The following PXDC1 variants were observed in gnomAD, a reference collection of about 807,000 sequenced individuals.
The protein encoded by PXDC1 is PX domain containing 1, also known as PX domain-containing protein 1.
A neutral mutation model predicts 24.4 loss-of-function variants in PXDC1; 13 were observed. That is an observed-to-expected ratio of 0.53 (90% confidence interval 0.35 to 0.85). PXDC1 has a LOEUF of 0.85. Among genes scored for constraint, PXDC1 ranks in the 40% least tolerant of loss-of-function variants. The pLI is 0.01. For missense variants in PXDC1, 344 were observed against 309.3 expected (o/e 1.11, Z -0.84); for synonymous variants, 162 against 124.9 (o/e 1.30, Z -1.98).
rs1759983819 is a variant in PXDC1 at position 3,723,401 on chromosome 6, G to A, written c.*218C>T. On this transcript the variant is annotated 3_prime_UTR_variant, in exon 5 of 5. Transcript: ENST00000380283. Reference sequence around the variant, plus strand: ...AACACAGGCCCTGTGGCCTCCGGCTGTGACCTCAGCTTGCTGGAGACTCTG... The same window carrying A: ...AACACAGGCCCTGTGGCCTCCGGCTATGACCTCAGCTTGCTGGAGACTCTG... 2 of 585,720 alleles carry A rather than the reference G, an allele frequency of 3.4e-6. No homozygotes were observed. Among genetic ancestry groups the A allele is most frequent in the South Asian group, 2.2e-5 (1 of 45,724 alleles). The allele number at this position is 585,720 out of a possible 1,614,324, so 36.3% of individuals were successfully genotyped here.
At chr6:3,743,403 T>C (rs1176784976) in intron 1 of PXDC1, among the ~76,000 whole-genome samples, 4 of 152,010 alleles carry the variant, frequency 2.6e-5, no homozygotes, top group Admixed American at 2.0e-4. Context: ...TTCCTTTCCA[T>C]TTAACAAATG....
chr6:3,744,733 T>TG (rs926138797), intron 1 of PXDC1, among the ~76,000 whole-genome samples: 44 of 152,322 alleles, frequency 2.9e-4, no homozygotes, highest in African/African-American at 9.6e-4. Flanking sequence ...GTCTCGCTCT[T>TG]GTCACCCAGG....
chr6:3,733,521 C>T (rs914828684), intron 3 of PXDC1, among the ~76,000 whole-genome samples: 3 of 152,104 alleles, frequency 2.0e-5, no homozygotes, highest in East Asian at 1.9e-4. Context: ...CGAGCTAGAC[C>T]GGGAACAGAG....
chr6:3,737,616 C>T lies in PXDC1; in HGVS notation c.349-420G>A. On this transcript the variant is annotated intron_variant, in intron 2 of 4. Transcript: ENST00000380283. The surrounding 1 kb of genome is among the most constrained non-coding windows in gnomAD (Gnocchi z 5.5). ...ACTCACGACGAAGCCCGCAGGCTTACATGGAAAGGGAGTTGACGGTCAAAT... is the reference window on the plus strand; with the variant it reads ...ACTCACGACGAAGCCCGCAGGCTTATATGGAAAGGGAGTTGACGGTCAAAT... 1 of 982,684 alleles carries T rather than the reference C, an allele frequency of 1.0e-6. No homozygotes were observed. Among genetic ancestry groups the T allele is most frequent in the African/African-American group, 1.7e-5 (1 of 57,306 alleles). The allele number at this position is 982,684 out of a possible 1,614,324, so 60.9% of individuals were successfully genotyped here. A position where few individuals can be genotyped will look rare whatever the true frequency, so the allele number is the denominator to read the frequency against.
chr6:3,742,197 T>C (rs1760464049), intron 1 of PXDC1, among the ~76,000 whole-genome samples: 1 of 152,226 alleles, frequency 6.6e-6, no homozygotes, highest in Non-Finnish European at 1.5e-5. Context: ...AACTATTGAG[T>C]GCATCTGCGT....
At position 3,751,459 on chromosome 6, in the gene PXDC1, G is replaced by A. The variant is rs763394172; in HGVS notation, c.73C>T (p.Arg25Cys). The A allele has an allele frequency of 1.9e-6, 3 of 1,602,970 alleles. No individual in the cohort carries two copies. Among genetic ancestry groups the A allele is most frequent in the East Asian group, 2.3e-5 (1 of 44,380 alleles). Residue 25 changes from arginine to cysteine, a missense_variant, in exon 1 of 5, where the codon CGC (arginine) becomes TGC (cysteine). Physicochemically the swap from Arg to Cys is radical, Grantham distance 180. Coordinates refer to ENST00000380283, the MANE Select transcript of PXDC1 (RefSeq NM_183373.4). Reference sequence around the variant, plus strand: ...CCGCGCCGGCTGACGATGAGCCTGCGGATGCCGTTCACCCAGCAGCCGCGC... The same window carrying A: ...CCGCGCCGGCTGACGATGAGCCTGCAGATGCCGTTCACCCAGCAGCCGCGC... ...FVRGCWVNGI[R>C]RLIVSRRGDE... is the part of the protein sequence containing the mutation.
Position 3,737,947 on chromosome 6 carries a change from G to T in PXDC1, c.348+110C>A. 1.1e-6 allele frequency: 1 copy of T among 925,104 alleles called. No homozygotes were observed. 57.3% of individuals were successfully genotyped at this position (925,104 alleles called of 1,614,324 possible). A position where few individuals can be genotyped will look rare whatever the true frequency, so the allele number is the denominator to read the frequency against. On this transcript the variant is annotated intron_variant, in intron 2 of 4. Coordinates refer to ENST00000380283, the MANE Select transcript of PXDC1 (RefSeq NM_183373.4). The surrounding 1 kb of genome is among the most constrained non-coding windows in gnomAD (Gnocchi z 5.5). ...ACCAGGGAGGGAACAAAACGGCTAA[G>T]TGAGACAGAGCAAGCAAGTCAACCC...
intron 3 of PXDC1, among the ~76,000 whole-genome samples, chr6:3,733,589 G>C (rs933429159): frequency 6.6e-6 from 1 of 152,114 alleles, no homozygotes; most frequent in East Asian, 1.9e-4. Flanking sequence ...CGGCAGAGAA[G>C]AGGAAGAGGA....
At chr6:3,743,408 CAAA>C (rs1760492815) in intron 1 of PXDC1, among the ~76,000 whole-genome samples, 1 of 151,984 alleles carries the variant, frequency 6.6e-6, no homozygotes, top group Non-Finnish European at 1.5e-5. Context: ...TTCCATTTAA[CAAA>C]TGTGCCCATC....
In PXDC1 at chr6:3,751,518, A is replaced by G. The variant is rs1581256141; in HGVS notation, c.14T>C (p.Val5Ala). 2 of 1,587,002 alleles carry G rather than the reference A, an allele frequency of 1.3e-6. No homozygotes were observed. Among genetic ancestry groups the G allele is most frequent in the Non-Finnish European group, 1.7e-6 (2 of 1,169,488 alleles). Reference protein sequence around the residue: MASAVFEGTSLVNMF... With the variant: MASAAFEGTSLVNMF... ...GTTCACGAGCGACGTGCCCTCAAAC[A>G]CCGCCGAGGCCATGTCGCACGCATG... The change falls in exon 1 of 5, where the codon GTG becomes GCG. Residue 5 changes from valine to alanine, a missense_variant. Val to Ala is a moderately conservative substitution (Grantham distance 64). Transcript: ENST00000380283.
At chr6:3,736,349 G>A (rs1760314987) in intron 3 of PXDC1, among the ~76,000 whole-genome samples, 1 of 152,086 alleles carries the variant, frequency 6.6e-6, no homozygotes, top group Non-Finnish European at 1.5e-5. Flanking sequence ...GCTGAGCCAT[G>A]TCTCCTCTCA....
At position 3,723,537 on chromosome 6, in the gene PXDC1, C is replaced by CT. The variant is rs1239819114; in HGVS notation, c.*81dup. ...GGGAGTTCCAGAGCTGGGGCAGCAG[C>CT]TGTGACCATGGGGGCCAGCACAGTG... On this transcript the variant is annotated 3_prime_UTR_variant, in exon 5 of 5. Coordinates refer to ENST00000380283, the MANE Select transcript of PXDC1 (RefSeq NM_183373.4). 9.2e-7 allele frequency: 1 copy of CT among 1,091,596 alleles called. No individual in the cohort carries two copies. The highest frequency in any genetic ancestry group is 1.4e-6 in the Non-Finnish European group (1 of 715,098). The allele number at this position is 1,091,596 out of a possible 1,614,324, so 67.6% of individuals were successfully genotyped here.
At chr6:3,746,814 A>T (rs1287475663) in intron 1 of PXDC1, among the ~76,000 whole-genome samples, 2 of 152,030 alleles carry the variant, frequency 1.3e-5, no homozygotes, top group African/African-American at 4.8e-5. Flanking sequence ...CTCACTGTCC[A>T]CCCGAGAACA....
chr6:3,745,804 TC>T (rs1054766727), intron 1 of PXDC1, among the ~76,000 whole-genome samples: 1 of 152,190 alleles, frequency 6.6e-6, no homozygotes, highest in Non-Finnish European at 1.5e-5. Context: ...TGCAAGCTCT[TC>T]CCTCCCCCTC....
chr6:3,735,482 A>G (rs1760293800), intron 3 of PXDC1, among the ~76,000 whole-genome samples: 1 of 152,266 alleles, frequency 6.6e-6, no homozygotes, highest in South Asian at 2.1e-4. Context: ...GCCTGCAGGC[A>G]TTACGTTAAG....
chr6:3,725,370 C>T lies in PXDC1; in HGVS notation c.579-1634G>A, dbSNP rs1469284214. 3.3e-5 allele frequency among the ~76,000 whole-genome samples: 5 copies of T among 152,186 alleles called. No homozygotes were observed. Among genetic ancestry groups the T allele is most frequent in the Non-Finnish European group, 5.9e-5 (4 of 68,014 alleles). Reference sequence around the variant, plus strand: ...CGCCCAGTGCCTCGGCCCTGGATGACCTCCCAGAAGCCAGGCAATCCCTTC... The same window carrying T: ...CGCCCAGTGCCTCGGCCCTGGATGATCTCCCAGAAGCCAGGCAATCCCTTC... On this transcript the variant is annotated intron_variant, in intron 4 of 4. Transcript: ENST00000380283. The surrounding 1 kb of genome is among the most constrained non-coding windows in gnomAD (Gnocchi z 4.8).
rs1331876508 is a variant in PXDC1 at position 3,728,983 on chromosome 6, T to G, written c.467-1321A>C. Among the ~76,000 whole-genome samples, 1 of 152,132 alleles carries G rather than the reference T, an allele frequency of 6.6e-6. No homozygotes were observed. The highest frequency in any genetic ancestry group is 1.5e-5 in the Non-Finnish European group (1 of 68,022). On this transcript the variant is annotated intron_variant, in intron 3 of 4. Coordinates refer to ENST00000380283, the MANE Select transcript of PXDC1 (RefSeq NM_183373.4). This position sits in a 1 kb window ranked among gnomAD's most constrained non-coding sequence, Gnocchi z 4.0. ...CATCATAAAAGTCATGCCTAAAATA[T>G]ACTCCAAATTCCTGGTGCCTTCTCA...
intron 1 of PXDC1, among the ~76,000 whole-genome samples, chr6:3,749,606 C>A (rs1581254383): frequency 6.6e-6 from 1 of 151,614 alleles, no homozygotes; most frequent in Admixed American, 6.6e-5. Flanking sequence ...ACTGAAACCA[C>A]GCCCTCTTTC....
At chr6:3,727,491 T>C in intron 4 of PXDC1, 60 bp downstream of exon 4, 1 of 1,209,156 alleles carries the variant, frequency 8.3e-7, no homozygotes, top group South Asian at 1.3e-5. Flanking sequence ...TGAGCCCCCA[T>C]CCCACAAGGC....
Sources: allele counts gnomAD v4.1 joint callset (sites outside exome capture counted in the v4.1 genomes callset), GRCh38; gene constraint gnomAD v4.1.1; non-coding constraint Gnocchi (gnomAD v3.1); transcripts MANE v1.5; gene names NCBI Gene and HGNC (gene_info 2026-07-23, HGNC 2026-07-21).